The following KCTD2 variants were observed in gnomAD, a reference collection of about 807,000 sequenced individuals.
The protein encoded by KCTD2 is BTB/POZ domain-containing protein KCTD2.
A neutral mutation model predicts 27.9 loss-of-function variants in KCTD2; 18 were observed. The ratio of observed to expected loss-of-function variants is 0.64; its 90% CI spans 0.45 to 0.96. KCTD2 has a LOEUF of 0.96. Ranked by LOEUF, KCTD2 falls within the 40% of genes least tolerant of loss-of-function variation. KCTD2 has a pLI of 0.00. For synonymous variants in KCTD2, 175 were observed against 148.4 expected (o/e 1.18, Z -1.30); for missense variants, 280 against 348.0 (o/e 0.80, Z 1.56).
upstream of KCTD2, among the ~76,000 whole-genome samples, chr17:75,044,785 C>A (rs529155562): frequency 2.6e-5 from 4 of 152,268 alleles, no homozygotes; most frequent in East Asian, 7.7e-4. Flanking sequence ...ACTGCAAAGT[C>A]AAAAATCTCT....
chr17:75,054,640 C>T (rs2073331424), intron 3 of KCTD2, among the ~76,000 whole-genome samples: 1 of 151,924 alleles, frequency 6.6e-6, no homozygotes. Flanking sequence ...CCCGTCTCTA[C>T]TAAAAATACA....
intron 2 of KCTD2, among the ~76,000 whole-genome samples, chr17:75,052,580 A>G (rs2073299522): frequency 6.6e-6 from 1 of 152,194 alleles, no homozygotes; most frequent in Non-Finnish European, 1.5e-5. Flanking sequence ...AAAATTAGCC[A>G]GGCGTGGTGG....
Position 75,062,176 on chromosome 17 carries a change from C to T in KCTD2, c.693C>T (p.Leu231=). 4 of 1,614,000 alleles carry T rather than the reference C, an allele frequency of 2.5e-6. No individual in the cohort carries two copies. Among genetic ancestry groups the T allele is most frequent in the Non-Finnish European group, 3.4e-6 (4 of 1,179,876 alleles). ...NYGNEDQAEF[L]CVVSRELNNS... ...GCAATGAGGATCAGGCAGAATTCCT[C>T]TGTGTTGTCTCCAGAGAACTAAATA... The change falls in exon 5 of 6, where the codon CTC becomes CTT. Residue 231 remains leucine (L), a synonymous_variant. Transcript: ENST00000322444.
intron 3 of KCTD2, among the ~76,000 whole-genome samples, chr17:75,055,474 G>C (rs1213637855): frequency 6.6e-6 from 1 of 151,952 alleles, no homozygotes; most frequent in Non-Finnish European, 1.5e-5. Flanking sequence ...CCAGCACTCT[G>C]GGAGGCTGAG....
chr17:75,049,428 T>G (rs1369457170), intron 2 of KCTD2, 100 bp downstream of exon 2: 1 of 731,702 alleles, frequency 1.4e-6, no homozygotes, highest in African/African-American at 1.7e-5. Context: ...ATCAGGCGCA[T>G]GTGCAGGTAT....
intron 2 of KCTD2, among the ~76,000 whole-genome samples, chr17:75,051,629 TC>T (rs930483608): frequency 2.0e-5 from 3 of 151,474 alleles, no homozygotes; most frequent in African/African-American, 7.3e-5. Context: ...ATTCTCTATT[TC>T]CCCCTCCCTA....
chr17:75,055,757 G>C (rs1021505512), intron 3 of KCTD2, among the ~76,000 whole-genome samples: 1 of 150,194 alleles, frequency 6.7e-6, no homozygotes. Flanking sequence ...GCTTGAACCC[G>C]GGAGGAGGAG....
intron 4 of KCTD2, 106 bp downstream of exon 4, chr17:75,059,711 G>A (rs2073384722): frequency 6.2e-6 from 5 of 812,814 alleles, no homozygotes; most frequent in South Asian, 3.4e-5. Flanking sequence ...AGACGGCTAC[G>A]GCCAGGTGGG....
At chr17:75,054,655 A>C (rs2073331595) in intron 3 of KCTD2, among the ~76,000 whole-genome samples, 1 of 152,014 alleles carries the variant, frequency 6.6e-6, no homozygotes, top group Non-Finnish European at 1.5e-5. Flanking sequence ...AATACAAAAA[A>C]AATTAGCCAG....
At chr17:75,058,107 T>C (rs910746730) in intron 3 of KCTD2, among the ~76,000 whole-genome samples, 4 of 150,988 alleles carry the variant, frequency 2.6e-5, no homozygotes, top group African/African-American at 9.7e-5. Flanking sequence ...GCGGATCACC[T>C]GAGGTCAGGA....
intron 3 of KCTD2, chr17:75,038,907 C>T (rs1160444438): frequency 1.2e-6 from 2 of 1,607,058 alleles, no homozygotes; most frequent in Admixed American, 1.7e-5. Context: ...AATACAAGGG[C>T]CAGAGCTTCC....
chr17:75,058,891 A>T (rs1218296078), intron 3 of KCTD2, among the ~76,000 whole-genome samples: 2 of 151,926 alleles, frequency 1.3e-5, no homozygotes, highest in African/African-American at 4.8e-5. Context: ...AGGTCAGGAG[A>T]TCGAGACCAT....
rs908070881 is a variant in KCTD2, at chr17:75,064,915, A to G, written c.*1868A>G. On this transcript the variant is annotated 3_prime_UTR_variant, in exon 6 of 6. Coordinates refer to ENST00000322444, the MANE Select transcript of KCTD2 (RefSeq NM_015353.3). The stretch of plus-strand genomic sequence containing the variant: ...AGTAACATCAGACTGACAGAGGAAA[A>G]GCAGCTTGGTTTGCGGCCTTGTGCC... The G allele has an allele frequency of 3.9e-5, 6 of 152,184 alleles. No homozygotes were observed. The highest frequency in any genetic ancestry group is 1.4e-4 in the African/African-American group (6 of 41,440). 9.4% of individuals were successfully genotyped at this position (152,184 alleles called of 1,614,324 possible).
intron 3 of KCTD2, chr17:75,040,861 G>A (rs2073152632): frequency 6.6e-6 from 1 of 151,474 alleles, no homozygotes; most frequent in South Asian, 2.1e-4. Flanking sequence ...ACTCCAGCCT[G>A]GGCGACAGAG....
chr17:75,042,041 A>G (rs1302014259), intron 3 of KCTD2: 7 of 676,292 alleles, frequency 1.0e-5, no homozygotes, highest in Non-Finnish European at 1.7e-5. Flanking sequence ...TCAATCGACC[A>G]CAAGGCCTTT....
At chr17:75,051,801 G>T (rs2073291398) in intron 2 of KCTD2, among the ~76,000 whole-genome samples, 1 of 151,812 alleles carries the variant, frequency 6.6e-6, no homozygotes. Context: ...ATTTAATACT[G>T]ATGCTTTTAT....
intron 4 of KCTD2, among the ~76,000 whole-genome samples, chr17:75,061,241 G>A (rs1304983692): frequency 2.0e-5 from 3 of 152,236 alleles, no homozygotes; most frequent in Non-Finnish European, 4.4e-5. Context: ...CCGCCCATGT[G>A]AGGCCTCGCC....
At chr17:75,061,692 C>CAGTG (rs1159714354) in intron 4 of KCTD2, among the ~76,000 whole-genome samples, 1 of 152,148 alleles carries the variant, frequency 6.6e-6, no homozygotes, top group African/African-American at 2.4e-5. Flanking sequence ...AGTAGCTGAT[C>CAGTG]AGTGATTGGC....
upstream of KCTD2, among the ~76,000 whole-genome samples, chr17:75,042,837 C>A (rs1029239003): frequency 1.3e-5 from 2 of 151,986 alleles, no homozygotes; most frequent in Non-Finnish European, 2.9e-5. Flanking sequence ...GTCGAGACTG[C>A]ATCACTGCAC....
Sources: gnomAD v4.1 joint callset for allele counts (sites outside exome capture counted in the v4.1 genomes callset) on GRCh38, gnomAD v4.1.1 for gene constraint, MANE v1.5 for transcripts, NCBI Gene and HGNC (gene_info 2026-07-23, HGNC 2026-07-21) for gene names.